The following MROH2B variants were observed in gnomAD, a reference collection of about 807,000 sequenced individuals.
The protein encoded by MROH2B is maestro heat like repeat family member 2B, also known as maestro heat-like repeat-containing protein family member 2B.
MROH2B carries 177 observed loss-of-function variants against 208.6 expected under a neutral mutation model. That is an observed-to-expected ratio of 0.85 (90% CI 0.75 to 0.96). The LOEUF is 0.96. MROH2B is among the 40% of genes least tolerant of loss of function. The probability of loss-of-function intolerance (pLI) is 0.00; values close to 1 mark genes in which losing one functional copy is unlikely to be tolerated. For synonymous variants in MROH2B, 728 were observed against 659.0 expected (o/e 1.10, Z -1.60); for missense variants, 2,002 against 1,878.7 (o/e 1.07, Z -1.21).
At chr5:41,039,617 C>T in intron 19 of MROH2B, 62 bp from the exon 20 acceptor site, 5 of 1,174,080 alleles carry the variant, frequency 4.3e-6, no homozygotes, top group Non-Finnish European at 4.8e-6. Flanking sequence ...CAAATATTTA[C>T]TGAGCACCTA....
At chr5:41,057,030 A>G (rs1743476648) in intron 9 of MROH2B, 79 bp downstream of exon 9, 5 of 1,372,944 alleles carry the variant, frequency 3.6e-6, no homozygotes, top group South Asian at 3.6e-5. Context: ...TTAATGTGAC[A>G]GTTTGCCCTC....
intron 34 of MROH2B, among the ~76,000 whole-genome samples, chr5:41,006,778 T>C (rs547300994): frequency 6.6e-6 from 1 of 152,256 alleles, no homozygotes; most frequent in Non-Finnish European, 1.5e-5. Flanking sequence ...ATGTGGGAGC[T>C]AAGCTATTAG....
chr5:41,005,620 C>A lies in MROH2B; in HGVS notation c.3775G>T (p.Val1259Phe), dbSNP rs1224412114. Residue 1259 changes from valine (V) to phenylalanine (F), a missense_variant, in exon 35 of 42, where the codon GTC becomes TTC. Physicochemically the swap from Val to Phe is conservative, Grantham distance 50. Transcript: ENST00000399564. ...AGCTGTTCCATGATGTCCAGTATGA[C>A]TCCGTGTTGCCACACTGCCATGCTC... ...ARSMAVWQHG[V>F]ILDIMEQLLS... 6.2e-7 allele frequency: 1 copy of A among 1,611,984 alleles called. No homozygotes were observed.
In MROH2B at chr5:41,017,905, C is replaced by T. The variant is rs556443133; in HGVS notation, c.2829G>A (p.Leu943=). 3 of 1,586,976 alleles carry T rather than the reference C, an allele frequency of 1.9e-6. No individual in the cohort carries two copies. The highest frequency in any genetic ancestry group is 2.6e-6 in the Non-Finnish European group (3 of 1,165,960). Residue 943 remains leucine, a synonymous_variant, in exon 28 of 42, where the codon CTG becomes CTA. Transcript: ENST00000399564. The part of the protein sequence containing the change: ...GLLAPHSCDT[L]PTIRQAAASS... The stretch of plus-strand genomic sequence containing the variant: ...TAGCAGCCGCCTGACGGATGGTGGG[C>T]AGGGTATCACAGGAGTGAGGAGCCA...
intron 39 of MROH2B, 165 bp downstream of exon 39, chr5:41,000,055 G>T: frequency 2.2e-6 from 2 of 904,280 alleles, no homozygotes; most frequent in African/African-American, 3.3e-5. Context: ...CCTGTGGCAG[G>T]ATACCTCTAT....
At chr5:41,032,891 TC>T in intron 23 of MROH2B, 70 bp from the exon 24 acceptor site, 6 of 1,555,028 alleles carry the variant, frequency 3.9e-6, no homozygotes, top group Non-Finnish European at 5.3e-6. Context: ...AGCTGCAACC[TC>T]ATCAGACCAT....
chr5:41,007,408 C>T lies in MROH2B; in HGVS notation c.3655G>A (p.Glu1219Lys), dbSNP rs1381894298. ...TCATCAGATTCCTTTGCAAGGCCTT[C>T]TCTCATGGCTTGGGCTTGCAAACAT... ...LKCLQAQAMR[E>K]GLAKESDEGD... Residue 1219 changes from glutamate (E) to lysine (K), a missense_variant, in exon 34 of 42, where the codon GAA becomes AAA. Physicochemically the swap from Glu to Lys is moderately conservative, Grantham distance 56. Transcript: ENST00000399564. 13 of 1,572,598 alleles carry T rather than the reference C, an allele frequency of 8.3e-6. No individual in the cohort carries two copies. The highest frequency in any genetic ancestry group is 1.1e-5 in the Non-Finnish European group (13 of 1,158,028).
chr5:41,000,090 A>T (rs3817324), intron 39 of MROH2B, 130 bp downstream of exon 39: 536,658 of 1,224,304 alleles, frequency 0.44, 119,350 homozygotes, highest in African/African-American at 0.52. Flanking sequence ...TGAAATCAGG[A>T]TATCACTGCC....
At chr5:41,054,664 A>G in intron 11 of MROH2B, 103 bp downstream of exon 11, 3 of 794,494 alleles carry the variant, frequency 3.8e-6, no homozygotes, top group Non-Finnish European at 5.6e-6. Context: ...TTGACCACAG[A>G]GTTCTTTATA....
chr5:41,020,716 T>C (rs1195757297), intron 24 of MROH2B, among the ~76,000 whole-genome samples: 1 of 152,198 alleles, frequency 6.6e-6, no homozygotes, highest in East Asian at 1.9e-4. Flanking sequence ...AATTATGTTA[T>C]AGAAATAGGA....
At chr5:41,010,568 G>A (rs1024380159) in intron 30 of MROH2B, among the ~76,000 whole-genome samples, 2 of 152,170 alleles carry the variant, frequency 1.3e-5, no homozygotes, top group African/African-American at 4.8e-5. Flanking sequence ...CAGATGGTGG[G>A]AAAGGGCATC....
chr5:41,054,014 C>T (rs1743367634), intron 11 of MROH2B, among the ~76,000 whole-genome samples: 1 of 151,644 alleles, frequency 6.6e-6, no homozygotes, highest in Non-Finnish European at 1.5e-5. Context: ...GAGTCTTACT[C>T]TGTTGCCCAG....
chr5:41,019,576 A>T (rs1742077091), intron 24 of MROH2B, among the ~76,000 whole-genome samples: 1 of 152,250 alleles, frequency 6.6e-6, no homozygotes, highest in African/African-American at 2.4e-5. Flanking sequence ...TCATGAGGAT[A>T]TGAAAAAGTC....
intron 24 of MROH2B, among the ~76,000 whole-genome samples, chr5:41,023,907 C>A (rs1742251884): frequency 6.6e-6 from 1 of 152,104 alleles, no homozygotes; most frequent in Non-Finnish European, 1.5e-5. Flanking sequence ...TAATTTTCAA[C>A]CCAGAATTTC....
rs1022540832 is a variant in MROH2B, at chr5:41,007,442, A to C, written c.3621T>G (p.Ala1207=). The C allele has an allele frequency of 1.3e-6, 2 of 1,574,192 alleles. No homozygotes were observed. The highest frequency in any genetic ancestry group is 2.7e-5 in the African/African-American group (2 of 73,586). ...CTTGGGCTTGCAAACATTTTAAAGTAGCAGTTGAAAGCCTAAAGGAGACAG... is the reference window on the plus strand; with the variant it reads ...CTTGGGCTTGCAAACATTTTAAAGTCGCAGTTGAAAGCCTAAAGGAGACAG... ...QIPDPCRLST[A]TLKCLQAQAM... The change falls in exon 34 of 42, where the codon GCT becomes GCG. Residue 1207 remains alanine, a synonymous_variant. Transcript: ENST00000399564.
chr5:41,012,864 C>T (rs1181323119), intron 29 of MROH2B, 129 bp from the exon 30 acceptor site: 6 of 1,130,464 alleles, frequency 5.3e-6, no homozygotes, highest in Non-Finnish European at 7.5e-6. Context: ...TTGATTGAGG[C>T]CACAGAAACT....
chr5:41,018,983 A>T lies in MROH2B; in HGVS notation c.2477T>A (p.Leu826His). ...CCGAATATTCTCCTCAAGAATGTTA[A>T]GGTGGTCTTGTAGTGAGAGCTGAGG... ...LKPQLSLQDH[L>H]NILEENIRRL... The change falls in exon 25 of 42, where the codon CTT (leucine) becomes CAT (histidine). Residue 826 changes from leucine to histidine, a missense_variant. Coordinates refer to ENST00000399564, the MANE Select transcript of MROH2B (RefSeq NM_173489.5). 6.2e-7 allele frequency: 1 copy of T among 1,613,924 alleles called. No homozygotes were observed.
intron 28 of MROH2B, among the ~76,000 whole-genome samples, chr5:41,016,694 T>C (rs1045362174): frequency 3.3e-5 from 5 of 151,942 alleles, no homozygotes; most frequent in African/African-American, 1.2e-4. Flanking sequence ...TTGGCCAGGC[T>C]GGTCTTGAAC....
chr5:41,065,615 G>A, intron 3 of MROH2B, 125 bp from the exon 4 acceptor site: 4 of 787,580 alleles, frequency 5.1e-6, no homozygotes, highest in Non-Finnish European at 7.6e-6. Flanking sequence ...AGATTCAGGG[G>A]GTACATGTGC....
Sources: allele counts gnomAD v4.1 joint callset (sites outside exome capture counted in the v4.1 genomes callset), GRCh38; gene constraint gnomAD v4.1.1; transcripts MANE v1.5; gene names NCBI Gene and HGNC (gene_info 2026-07-23, HGNC 2026-07-21).